The following CENPU variants were observed in gnomAD, a reference collection of about 807,000 sequenced individuals.
CENPU encodes the protein centromere protein U, also known as KSHV latent nuclear antigen interacting protein 1.
In CENPU, 46 loss-of-function variants were observed where a neutral mutation model predicts 56.7. The observed-to-expected ratio is 0.81, with a 90% confidence interval of 0.64 to 1.04. The LOEUF is 1.04. Ranked by LOEUF, CENPU falls within the 50% of genes least tolerant of loss-of-function variation. The pLI is 0.00. For missense variants in CENPU, 510 were observed against 490.1 expected (o/e 1.04, Z -0.38); for synonymous variants, 166 against 163.0 (o/e 1.02, Z -0.14).
At chr4:184,707,584 T>C (rs1760770525) in intron 8 of CENPU, among the ~76,000 whole-genome samples, 1 of 152,090 alleles carries the variant, frequency 6.6e-6, no homozygotes, top group Admixed American at 6.5e-5. Context: ...AGGAGTGAAG[T>C]GCTGACCTGA....
At chr4:184,726,780 T>C (rs1226632780) in intron 3 of CENPU, among the ~76,000 whole-genome samples, 4 of 152,048 alleles carry the variant, frequency 2.6e-5, no homozygotes, top group African/African-American at 9.7e-5. Flanking sequence ...ACATACAGAC[T>C]GTTCTTCAGC....
chr4:184,712,758 G>A (rs1760966621), intron 7 of CENPU, among the ~76,000 whole-genome samples, 186 bp downstream of exon 7: 2 of 151,936 alleles, frequency 1.3e-5, no homozygotes. Context: ...CACCTTAGTT[G>A]CATGTTGAAA....
intron 4 of CENPU, among the ~76,000 whole-genome samples, chr4:184,723,984 GC>G (rs1326097720): frequency 1.3e-5 from 2 of 151,874 alleles, no homozygotes; most frequent in Non-Finnish European, 2.9e-5. Context: ...TGCAGTTTTG[GC>G]CGGGTGCAGT....
Position 184,734,031 on chromosome 4 carries a change from GGCCGCGGCCGCC to G in CENPU, c.20_31del (p.Arg7_Arg10del), listed in dbSNP as rs781584899. On this transcript the variant is annotated inframe_deletion, in exon 1 of 13. Transcript: ENST00000281453. The stretch of plus-strand genomic sequence containing the variant: ...CAGTACTTACCCCTCAGACCTGTGA[GGCCGCGGCCGCC>G]GCCGCCCCCGCGGGGCCATGGTGCC... 1.3e-6 allele frequency: 2 copies of G among 1,586,092 alleles called. No individual in the cohort carries two copies.
chr4:184,706,288 A>G (rs980760752), intron 8 of CENPU, among the ~76,000 whole-genome samples: 5 of 152,212 alleles, frequency 3.3e-5, no homozygotes, highest in African/African-American at 1.2e-4. Context: ...AGGGTCCCCT[A>G]AACCCAGGAG....
chr4:184,721,457 T>TAAAAAAAAA (rs138476894), intron 4 of CENPU, among the ~76,000 whole-genome samples: 15 of 74,560 alleles, frequency 2.0e-4, no homozygotes, highest in African/African-American at 1.0e-3. Context: ...TGGCTGATTG[T>TAAAAAAAAA]AAAAAAAAAA....
intron 6 of CENPU, 84 bp downstream of exon 6, chr4:184,716,313 G>A: frequency 1.2e-6 from 1 of 812,074 alleles, no homozygotes; most frequent in Non-Finnish European, 2.0e-6. Context: ...AAGATCTGAA[G>A]GAAAGAGAAA....
At chr4:184,707,705 C>T (rs984322476) in intron 8 of CENPU, among the ~76,000 whole-genome samples, 1 of 152,200 alleles carries the variant, frequency 6.6e-6, no homozygotes, top group Non-Finnish European at 1.5e-5. Context: ...TCTATACATA[C>T]TGTCTGACAG....
At chr4:184,698,576 G>A (rs1348415517) in intron 11 of CENPU, among the ~76,000 whole-genome samples, 3 of 151,972 alleles carry the variant, frequency 2.0e-5, no homozygotes, top group African/African-American at 7.3e-5. Context: ...TCAGCCTCTC[G>A]AGTAGCTGGG....
rs780626187 is a variant in CENPU, at chr4:184,694,554, A to AACT, written c.*731_*733dup. The stretch of plus-strand genomic sequence containing the variant: ...AGTTTACAACAGATGAAGCAGATGA[A>AACT]ACTAGGAGCAATGAAACCCAGAATC... On this transcript the variant is annotated 3_prime_UTR_variant, in exon 13 of 13. Coordinates refer to ENST00000281453, the MANE Select transcript of CENPU (RefSeq NM_024629.4). The AACT allele has an allele frequency of 1.2e-5, 19 of 1,613,588 alleles. No individual in the cohort carries two copies. The highest frequency in any genetic ancestry group is 1.6e-5 in the Non-Finnish European group (19 of 1,179,910).
At chr4:184,705,138 C>G (rs1370224187) in intron 8 of CENPU, among the ~76,000 whole-genome samples, 1 of 152,200 alleles carries the variant, frequency 6.6e-6, no homozygotes, top group Non-Finnish European at 1.5e-5. Context: ...GTTTACAGCA[C>G]TGTGTGTGTT....
At chr4:184,723,732 A>C (rs910505424) in intron 4 of CENPU, among the ~76,000 whole-genome samples, 1 of 150,616 alleles carries the variant, frequency 6.6e-6, no homozygotes, top group African/African-American at 2.4e-5. Flanking sequence ...AGTCCAAGCT[A>C]CTCGGGAGGG....
At chr4:184,709,813 C>T (rs1386998287) in intron 8 of CENPU, among the ~76,000 whole-genome samples, 1 of 150,152 alleles carries the variant, frequency 6.7e-6, no homozygotes. Flanking sequence ...AAAAAGGTAT[C>T]ACTGGACCAT....
At chr4:184,718,870 T>C (rs1407448038) in intron 4 of CENPU, among the ~76,000 whole-genome samples, 1 of 152,034 alleles carries the variant, frequency 6.6e-6, no homozygotes, top group Non-Finnish European at 1.5e-5. Context: ...TTGCCTTTGT[T>C]GAGTGAGGTG....
intron 11 of CENPU, among the ~76,000 whole-genome samples, chr4:184,699,848 G>A (rs1231716337): frequency 6.6e-6 from 1 of 151,996 alleles, no homozygotes; most frequent in African/African-American, 2.4e-5. Flanking sequence ...TTTGAGATGG[G>A]GTTTCACTAT....
chr4:184,726,745 T>A (rs1761463721), intron 3 of CENPU, among the ~76,000 whole-genome samples: 1 of 145,036 alleles, frequency 6.9e-6, no homozygotes. Context: ...CATTAACAGA[T>A]GAGTAGATAA....
At chr4:184,706,592 A>C (rs28500698) in intron 8 of CENPU, among the ~76,000 whole-genome samples, 27,142 of 152,204 alleles carry the variant, frequency 0.18, 2,724 homozygotes, top group African/African-American at 0.26. Context: ...GCTTATCATC[A>C]GTTCATACTG....
intron 4 of CENPU, among the ~76,000 whole-genome samples, chr4:184,722,209 C>T (rs752013820): frequency 3.5e-4 from 53 of 152,148 alleles, no homozygotes; most frequent in Non-Finnish European, 4.9e-4. Context: ...GGAAACACAA[C>T]ATACCAAAAC....
intron 6 of CENPU, among the ~76,000 whole-genome samples, chr4:184,714,700 A>C (rs1214206553): frequency 6.6e-6 from 1 of 152,236 alleles, no homozygotes; most frequent in Non-Finnish European, 1.5e-5. Flanking sequence ...AAAATGGAAT[A>C]CAAAAACAAC....
Sources: gnomAD v4.1 joint callset for allele counts (sites outside exome capture counted in the v4.1 genomes callset) on GRCh38, gnomAD v4.1.1 for gene constraint, MANE v1.5 for transcripts, NCBI Gene and HGNC (gene_info 2026-07-23, HGNC 2026-07-21) for gene names.